The following DAW1 variants were observed in gnomAD, a reference collection of about 807,000 sequenced individuals.
DAW1 encodes the protein dynein assembly factor with WD repeats 1.
A neutral mutation model predicts 56.5 loss-of-function variants in DAW1; 47 were observed. The observed-to-expected ratio is 0.83, with a 90% confidence interval of 0.66 to 1.06. The LOEUF (loss-of-function observed/expected upper bound fraction) is 1.06. DAW1 is among the 50% of genes least tolerant of loss of function. The pLI, the probability that DAW1 is intolerant of heterozygous loss-of-function variation, is 0.00. For synonymous variants in DAW1, 190 were observed against 179.0 expected (o/e 1.06, Z -0.49); for missense variants, 505 against 499.3 (o/e 1.01, Z -0.11).
At chr2:227,890,737 T>TTTA in intron 3 of DAW1, among the ~76,000 whole-genome samples, 1 of 152,362 alleles carries the variant, frequency 6.6e-6, no homozygotes, top group African/African-American at 2.4e-5. Context: ...CGTGTCTCAA[T>TTTA]TTATTCTCCA....
chr2:227,892,330 C>A (rs541716715), intron 4 of DAW1, among the ~76,000 whole-genome samples: 2 of 152,046 alleles, frequency 1.3e-5, no homozygotes, highest in East Asian at 3.9e-4. Flanking sequence ...GACGGGGTTT[C>A]TCCATGTTGG....
chr2:227,922,730 G>A (rs1721348), intron 12 of DAW1, among the ~76,000 whole-genome samples: 134,015 of 152,162 alleles, frequency 0.88, 59,009 homozygotes, highest in Middle Eastern at 0.96. Context: ...GACAGTTTCC[G>A]AAATCACAGG....
Position 227,904,910 on chromosome 2 carries a change from G to A in DAW1, c.649-19G>A. The stretch of plus-strand genomic sequence containing the variant: ...GTTTTATCTGCAGGTATACTTGACA[G>A]TATCTGCTCTTTTTCTAGGGACATT... On this transcript the variant is annotated intron_variant, in intron 7 of 12. Transcript: ENST00000309931. 2 of 1,600,398 alleles carry A rather than the reference G, an allele frequency of 1.2e-6. No individual in the cohort carries two copies. Among genetic ancestry groups the A allele is most frequent in the Non-Finnish European group, 1.7e-6 (2 of 1,168,840 alleles).
chr2:227,903,196 T>C, intron 7 of DAW1, 87 bp downstream of exon 7: 1 of 1,391,354 alleles, frequency 7.2e-7, no homozygotes, highest in Non-Finnish European at 1.0e-6. Flanking sequence ...TTGGAGGTTG[T>C]TGAGTTGCTG....
Position 227,871,725 on chromosome 2 carries a change from G to A in DAW1, c.36G>A (p.Pro12=). 6.2e-7 allele frequency: 1 copy of A among 1,613,906 alleles called. No homozygotes were observed. Among genetic ancestry groups the A allele is most frequent in the Non-Finnish European group, 8.5e-7 (1 of 1,179,922 alleles). The part of the protein sequence containing the change: ...KLKSLLLRYY[P]PGIMLEYEKH... ...AGAGCCTCCTGCTCCGGTATTACCCGCCAGGTACGCACCAGCCCGGCCCCG... is the reference window on the plus strand; with the variant it reads ...AGAGCCTCCTGCTCCGGTATTACCCACCAGGTACGCACCAGCCCGGCCCCG... Residue 12 remains proline, a synonymous_variant, in exon 1 of 13, where the codon CCG becomes CCA. Transcript: ENST00000309931.
At chr2:227,876,809 G>T (rs1042884654) in intron 1 of DAW1, among the ~76,000 whole-genome samples, 1 of 152,194 alleles carries the variant, frequency 6.6e-6, no homozygotes. Flanking sequence ...GCTTTGGGGA[G>T]AGTGGGTGTT....
rs556409280 is a variant in DAW1 at position 227,921,305 on chromosome 2, C to CTTTTTTTTTTTTTTT, written c.1051-80_1051-66dup. On this transcript the variant is annotated intron_variant, in intron 11 of 12. Transcript: ENST00000309931. The stretch of plus-strand genomic sequence containing the variant: ...GGAAGGTGACATGTGCTGTAATGTC[C>CTTTTTTTTTTTTTTT]TTTTTTTTTTTTTTTTTTTTTTTTT... 6 of 433,768 alleles carry CTTTTTTTTTTTTTTT rather than the reference C, an allele frequency of 1.4e-5. No homozygotes were observed. In the African/African-American group the frequency reaches 2.6e-4, roughly 19 times the overall value. 26.9% of individuals were successfully genotyped at this position (433,768 alleles called of 1,614,324 possible).
chr2:227,905,578 C>A (rs1691658414), intron 8 of DAW1, among the ~76,000 whole-genome samples: 1 of 152,154 alleles, frequency 6.6e-6, no homozygotes, highest in South Asian at 2.1e-4. Flanking sequence ...GGAAGAAGGA[C>A]CTTTCAGTTA....
chr2:227,883,310 G>A (rs1180982663), intron 1 of DAW1, among the ~76,000 whole-genome samples: 4 of 152,198 alleles, frequency 2.6e-5, no homozygotes, highest in Non-Finnish European at 5.9e-5. Flanking sequence ...ATAAAAATTG[G>A]TAGTGAAAAT....
intron 12 of DAW1, among the ~76,000 whole-genome samples, chr2:227,922,559 G>A (rs763217042): frequency 1.3e-5 from 2 of 152,148 alleles, no homozygotes; most frequent in Non-Finnish European, 2.9e-5. Context: ...ATCATGTTGA[G>A]CAAATTTAAA....
At chr2:227,899,607 A>G (rs573454087) in intron 6 of DAW1, among the ~76,000 whole-genome samples, 1 of 152,366 alleles carries the variant, frequency 6.6e-6, no homozygotes, top group Non-Finnish European at 1.5e-5. Context: ...GAAATTGATA[A>G]CAAAGAGTGA....
At chr2:227,917,346 C>T (rs2396512) in intron 10 of DAW1, among the ~76,000 whole-genome samples, 72,891 of 150,706 alleles carry the variant, frequency 0.48, 18,127 homozygotes, top group Middle Eastern at 0.63. Context: ...CTGCAAGCTC[C>T]ACCTCCTGGG....
rs543247969 is a variant in DAW1 at position 227,912,864 on chromosome 2, A to T, written c.973+5612A>T. ...CTTAGACAACTATGTATGCTACACT[A>T]TCACTCCAAATTTCCTTGGCAACCA... On this transcript the variant is annotated intron_variant, in intron 10 of 12. Transcript: ENST00000309931. Among the ~76,000 whole-genome samples, 5 of 152,292 alleles carry T rather than the reference A, an allele frequency of 3.3e-5. No individual in the cohort carries two copies. The South Asian group carries it at 1.0e-3, about 32-fold the overall frequency.
intron 4 of DAW1, among the ~76,000 whole-genome samples, chr2:227,893,441 G>A (rs1263315427): frequency 2.4e-4 from 37 of 152,068 alleles, no homozygotes; most frequent in African/African-American, 2.4e-5. Context: ...TGAGGCAGGC[G>A]GGTCACTTAA....
chr2:227,908,064 T>C (rs1158772263), intron 10 of DAW1, among the ~76,000 whole-genome samples: 1 of 152,228 alleles, frequency 6.6e-6, no homozygotes, highest in Admixed American at 6.5e-5. Flanking sequence ...CCATATATAG[T>C]GCTATCCTAG....
At chr2:227,910,525 C>CACAG (rs1553603514) in intron 10 of DAW1, among the ~76,000 whole-genome samples, 1 of 149,510 alleles carries the variant, frequency 6.7e-6, no homozygotes, top group Non-Finnish European at 1.5e-5. Context: ...CACACACACA[C>CACAG]CCCTCATATT....
In DAW1 at chr2:227,884,474, T is replaced by A. The variant is rs916374546; in HGVS notation, c.41-877T>A. 2.6e-5 allele frequency among the ~76,000 whole-genome samples: 4 copies of A among 152,344 alleles called. No individual in the cohort carries two copies. In the East Asian group the frequency reaches 5.8e-4, roughly 22 times the overall value. ...GAAATCTGCTTAGATTTGTCATATG[T>A]GCTCTTGGGCTACTTTTGCGGGCGT... On this transcript the variant is annotated intron_variant, in intron 1 of 12. Coordinates refer to ENST00000309931, the MANE Select transcript of DAW1 (RefSeq NM_178821.3).
intron 1 of DAW1, among the ~76,000 whole-genome samples, chr2:227,874,858 G>A (rs544548058): frequency 4.6e-5 from 7 of 152,280 alleles, no homozygotes; most frequent in African/African-American, 1.4e-4. Flanking sequence ...AGCTACTCAG[G>A]AGGCTGAGGC....
At chr2:227,916,116 A>G (rs1401796351) in intron 10 of DAW1, among the ~76,000 whole-genome samples, 1 of 152,032 alleles carries the variant, frequency 6.6e-6, no homozygotes, top group Non-Finnish European at 1.5e-5. Flanking sequence ...TCTTATTGAG[A>G]CCCTGTATGA....
Sources: allele counts gnomAD v4.1 joint callset (sites outside exome capture counted in the v4.1 genomes callset), GRCh38; gene constraint gnomAD v4.1.1; transcripts MANE v1.5; gene names NCBI Gene and HGNC (gene_info 2026-07-23, HGNC 2026-07-21).